The following TBC1D2B variants were observed in gnomAD, a reference collection of about 807,000 sequenced individuals.
The protein encoded by TBC1D2B is TBC1 domain family member 2B.
In TBC1D2B, 64 loss-of-function variants were observed where a neutral mutation model predicts 100.8. That is an observed-to-expected ratio of 0.64 (90% CI 0.52 to 0.78). The LOEUF is 0.78. TBC1D2B is among the 30% of genes least tolerant of loss of function. TBC1D2B has a pLI of 0.00. For missense variants in TBC1D2B, 1,052 were observed against 1,218.4 expected (o/e 0.86, Z 2.03); for synonymous variants, 480 against 479.7 (o/e 1.00, Z -0.01).
intron 10 of TBC1D2B, among the ~76,000 whole-genome samples, chr15:78,007,022 C>T (rs1251447232): frequency 6.6e-6 from 1 of 152,214 alleles, no homozygotes; most frequent in Non-Finnish European, 1.5e-5. Flanking sequence ...AGCAGGGGCC[C>T]GTGCCTGCCT....
At position 78,072,126 on chromosome 15, in the gene TBC1D2B, G is replaced by C. The variant is rs1426154525; in HGVS notation, c.360+5167C>G. Reference sequence around the variant, plus strand: ...ACTGGGAGCTGGCACTTCAACATACGAATTTTTCAGGAACACAAACACTAG... The same window carrying C: ...ACTGGGAGCTGGCACTTCAACATACCAATTTTTCAGGAACACAAACACTAG... On this transcript the variant is annotated intron_variant, in intron 1 of 12. Transcript: ENST00000300584. Among the ~76,000 whole-genome samples the C allele has an allele frequency of 2.6e-5, 4 of 152,264 alleles. No homozygotes were observed. In the East Asian group the frequency reaches 7.7e-4, roughly 29 times the overall value.
intron 2 of TBC1D2B, among the ~76,000 whole-genome samples, chr15:78,048,888 G>A (rs2073254762): frequency 6.6e-6 from 1 of 152,188 alleles, no homozygotes; most frequent in Admixed American, 6.5e-5. Context: ...GTGTACAGTG[G>A]GAGAATTCTC....
Position 78,025,383 on chromosome 15 carries a change from G to A in TBC1D2B, c.962C>T (p.Ser321Leu). 6.2e-7 allele frequency: 1 copy of A among 1,613,944 alleles called. No homozygotes were observed. The highest frequency in any genetic ancestry group is 8.5e-7 in the Non-Finnish European group (1 of 1,179,886). Residue 321 changes from serine to leucine, a missense_variant, in exon 5 of 13, where the codon TCA (serine) becomes TTA (leucine). Coordinates refer to ENST00000300584, the MANE Select transcript of TBC1D2B (RefSeq NM_144572.2). ...YKNRHSSGDP[S>L]SEGTSGSGSV... Reference sequence around the variant, plus strand: ...GCCACTGCCTGATGTGCCTTCACTTGAAGGGTCACCACTGCTGTGACGATT... The same window carrying A: ...GCCACTGCCTGATGTGCCTTCACTTAAAGGGTCACCACTGCTGTGACGATT...
chr15:78,011,339 A>G (rs183933277), intron 9 of TBC1D2B, among the ~76,000 whole-genome samples: 105 of 152,342 alleles, frequency 6.9e-4, no homozygotes, highest in Middle Eastern at 3.4e-3. Context: ...AATACCTGGC[A>G]TGGAGCAGGA....
At chr15:78,045,120 T>C (rs2073169785) in intron 2 of TBC1D2B, 52 bp from the exon 3 acceptor site, 2 of 1,527,538 alleles carry the variant, frequency 1.3e-6, no homozygotes, top group Admixed American at 3.9e-5. Flanking sequence ...CACACGAAAC[T>C]TGACATCCCA....
rs2072386222 is a variant in TBC1D2B at position 78,016,721 on chromosome 15, TG to T, written c.1599del (p.Lys534SerfsTer5). 1.3e-6 allele frequency: 2 copies of T among 1,564,198 alleles called. No individual in the cohort carries two copies. Among genetic ancestry groups the T allele is most frequent in the Non-Finnish European group, 1.7e-6 (2 of 1,156,992 alleles). On this transcript the variant is annotated frameshift_variant, in exon 8 of 13. Coordinates refer to ENST00000300584, the MANE Select transcript of TBC1D2B (RefSeq NM_144572.2). LOFTEE classifies it high-confidence loss of function. ...TATTTACTTTCTATCTGGCAGAGCT[TG>T]GCTTCCAGGCTAGAATACTGCAGAG... ...DLMAKYSSLE[A>X]KLCQIESKYL...
At chr15:78,070,414 T>C (rs1376124577) in intron 1 of TBC1D2B, among the ~76,000 whole-genome samples, 1 of 152,126 alleles carries the variant, frequency 6.6e-6, no homozygotes, top group African/African-American at 2.4e-5. Flanking sequence ...CTAGCACTGG[T>C]TGGTGTTTGT....
chr15:78,016,936 C>T lies in TBC1D2B; in HGVS notation c.1582-197G>A, dbSNP rs548649152. The T allele has an allele frequency of 4.0e-5, 21 of 520,926 alleles. No individual in the cohort carries two copies. In the East Asian group the frequency reaches 6.7e-4, roughly 17 times the overall value. 32.3% of individuals were successfully genotyped at this position (520,926 alleles called of 1,614,324 possible). ...AAAATGGCCTGCAGTGGGTTCCTCT[C>T]TTCCTTATAGAAGGAGTGCTGATAA... is the stretch of plus-strand genomic sequence containing the variant. On this transcript the variant is annotated intron_variant, in intron 7 of 12. Coordinates refer to ENST00000300584, the MANE Select transcript of TBC1D2B (RefSeq NM_144572.2).
chr15:78,021,853 G>A (rs145693391), intron 6 of TBC1D2B, among the ~76,000 whole-genome samples: 8 of 152,256 alleles, frequency 5.3e-5, no homozygotes, highest in African/African-American at 1.7e-4. Context: ...TTCTGACAGC[G>A]CTGTATCCCG....
chr15:78,027,120 T>A (rs1284442214), intron 4 of TBC1D2B, among the ~76,000 whole-genome samples: 1 of 151,452 alleles, frequency 6.6e-6, no homozygotes, highest in African/African-American at 2.4e-5. Flanking sequence ...ATATATATAC[T>A]CACATTATAA....
intron 1 of TBC1D2B, among the ~76,000 whole-genome samples, chr15:78,067,368 G>C (rs759506323): frequency 6.6e-6 from 1 of 152,202 alleles, no homozygotes; most frequent in Non-Finnish European, 1.5e-5. Flanking sequence ...TGAGGCCAGA[G>C]GCAAAGCTTG....
At chr15:78,029,585 C>G (rs1476970422) in intron 4 of TBC1D2B, among the ~76,000 whole-genome samples, 2 of 152,148 alleles carry the variant, frequency 1.3e-5, no homozygotes, top group African/African-American at 4.8e-5. Context: ...ATCCAGCTGA[C>G]AGTGGGTGCA....
At chr15:78,020,758 A>G (rs1002146975) in intron 6 of TBC1D2B, among the ~76,000 whole-genome samples, 2 of 152,146 alleles carry the variant, frequency 1.3e-5, no homozygotes, top group Non-Finnish European at 2.9e-5. Context: ...CCTCTAAACT[A>G]AACTGTGAGG....
At chr15:78,044,794 C>T in intron 3 of TBC1D2B, 106 bp downstream of exon 3, 1 of 1,046,996 alleles carries the variant, frequency 9.6e-7, no homozygotes. Flanking sequence ...ACAACAAAGG[C>T]CTTTGTAAGT....
At chr15:78,041,427 T>C (rs916240492) in intron 3 of TBC1D2B, among the ~76,000 whole-genome samples, 21 of 152,228 alleles carry the variant, frequency 1.4e-4, no homozygotes, top group African/African-American at 4.8e-4. Context: ...GTGAGGACCA[T>C]GGCTCTACTG....
chr15:78,064,251 C>A (rs1437102755), intron 1 of TBC1D2B, among the ~76,000 whole-genome samples: 1 of 152,190 alleles, frequency 6.6e-6, no homozygotes, highest in Non-Finnish European at 1.5e-5. Context: ...ATTCCTCCAA[C>A]ACGCTCTATG....
intron 2 of TBC1D2B, among the ~76,000 whole-genome samples, chr15:78,047,559 C>T (rs1349050163): frequency 6.6e-6 from 1 of 152,170 alleles, no homozygotes; most frequent in Non-Finnish European, 1.5e-5. Context: ...TCATCCTCAG[C>T]AGTTCCTCCT....
chr15:78,031,036 T>C (rs1398783195), intron 3 of TBC1D2B, among the ~76,000 whole-genome samples: 1 of 152,170 alleles, frequency 6.6e-6, no homozygotes, highest in African/African-American at 2.4e-5. Flanking sequence ...GCTATACGTA[T>C]CATAGGGATA....
intron 8 of TBC1D2B, among the ~76,000 whole-genome samples, chr15:78,013,548 A>G (rs2072291212): frequency 6.6e-6 from 1 of 151,868 alleles, no homozygotes; most frequent in South Asian, 2.1e-4. Flanking sequence ...CTATACAGGG[A>G]AAAAAAACAA....
Sources: allele counts gnomAD v4.1 joint callset (sites outside exome capture counted in the v4.1 genomes callset), GRCh38; gene constraint gnomAD v4.1.1; transcripts MANE v1.5; gene names NCBI Gene and HGNC (gene_info 2026-07-23, HGNC 2026-07-21).